The following KIAA1217 variants were observed in gnomAD, a reference collection of about 807,000 sequenced individuals.
KIAA1217 encodes the protein KIAA1217.
In KIAA1217, 88 loss-of-function variants were observed where a neutral mutation model predicts 163.9. That is an observed-to-expected ratio of 0.54 (90% CI 0.45 to 0.64). KIAA1217 has a LOEUF of 0.64. Among genes scored for constraint, KIAA1217 ranks in the 30% least tolerant of loss-of-function variants. KIAA1217 has a pLI of 0.00. For synonymous variants in KIAA1217, 903 were observed against 923.1 expected, an observed-to-expected ratio of 0.98 and a Z score of 0.39; for missense variants, 2,372 against 2,475.0, an observed-to-expected ratio of 0.96 and a Z score of 0.88.
intron 1 of KIAA1217, among the ~76,000 whole-genome samples, chr10:23,986,181 TA>T (rs1167638233): frequency 6.6e-6 from 1 of 152,220 alleles, no homozygotes; most frequent in Non-Finnish European, 1.5e-5. Context: ...CAGGGATTCA[TA>T]AAACTGTGCC....
At chr10:24,357,959 G>T (rs1296884196) in intron 2 of KIAA1217, among the ~76,000 whole-genome samples, 2 of 152,162 alleles carry the variant, frequency 1.3e-5, no homozygotes, top group Non-Finnish European at 2.9e-5. Context: ...AGGCACCACT[G>T]CCTGAGCCAT....
intron 2 of KIAA1217, among the ~76,000 whole-genome samples, chr10:24,327,762 G>C (rs890145901): frequency 3.3e-5 from 5 of 152,170 alleles, no homozygotes; most frequent in Non-Finnish European, 5.9e-5. Context: ...AGAGGTGTGA[G>C]CCACTAGTTT....
chr10:24,516,748 G>A (rs1383916661), intron 10 of KIAA1217, among the ~76,000 whole-genome samples: 2 of 152,208 alleles, frequency 1.3e-5, no homozygotes, highest in South Asian at 4.1e-4. Context: ...TCAGGCAAAA[G>A]GCAGTGAGGC....
chr10:24,420,094 G>A (rs949135871), intron 3 of KIAA1217, among the ~76,000 whole-genome samples: 28 of 152,098 alleles, frequency 1.8e-4, no homozygotes, highest in African/African-American at 6.0e-4. Flanking sequence ...GACGTAGCTA[G>A]GTATGGGAGG....
intron 2 of KIAA1217, among the ~76,000 whole-genome samples, chr10:24,375,941 C>T (rs2052424147): frequency 6.6e-6 from 1 of 152,124 alleles, no homozygotes; most frequent in African/African-American, 2.4e-5. Context: ...GGTCTGAAAA[C>T]GGGAATGAAA....
chr10:23,790,618 T>TAC (rs1299514734), intron 1 of KIAA1217, among the ~76,000 whole-genome samples: 1 of 85,622 alleles, frequency 1.2e-5, no homozygotes, highest in Non-Finnish European at 2.3e-5. Context: ...TACATATGTA[T>TAC]ATATACATAT....
chr10:23,704,172 G>GTGTGTATATATA (rs1229370789), intron 1 of KIAA1217, among the ~76,000 whole-genome samples: 91 of 39,916 alleles, frequency 2.3e-3, no homozygotes, highest in African/African-American at 2.9e-3. Context: ...GTGTGTGTGT[G>GTGTGTATATATA]TATATATATA....
chr10:23,788,667 A>T (rs1318700420), intron 1 of KIAA1217, among the ~76,000 whole-genome samples: 1 of 152,202 alleles, frequency 6.6e-6, no homozygotes, highest in Non-Finnish European at 1.5e-5. Context: ...GAGCAATTAC[A>T]TATGCACATT....
At chr10:23,883,103 T>C (rs1343418087) in intron 1 of KIAA1217, among the ~76,000 whole-genome samples, 3 of 151,936 alleles carry the variant, frequency 2.0e-5, no homozygotes, top group East Asian at 3.9e-4. Flanking sequence ...GGGATAGATA[T>C]ATTCCTTAAG....
At chr10:23,916,774 C>A (rs1309857020) in intron 1 of KIAA1217, among the ~76,000 whole-genome samples, 4 of 151,864 alleles carry the variant, frequency 2.6e-5, no homozygotes, top group Non-Finnish European at 5.9e-5. Context: ...AAGATCAAGA[C>A]CACCCTGGCT....
chr10:24,255,221 G>A (rs758138237), intron 2 of KIAA1217: 6 of 221,256 alleles, frequency 2.7e-5, no homozygotes, highest in Non-Finnish European at 5.5e-5. Flanking sequence ...ACGGAAAAGA[G>A]ACCCATTCTT....
chr10:24,044,283 C>T (rs958777728), intron 2 of KIAA1217, among the ~76,000 whole-genome samples: 1 of 152,088 alleles, frequency 6.6e-6, no homozygotes, highest in East Asian at 1.9e-4. Flanking sequence ...ACGTGGTTGT[C>T]GTAAGATCAA....
chr10:23,875,254 A>G (rs1177070064), intron 1 of KIAA1217, among the ~76,000 whole-genome samples: 8 of 152,032 alleles, frequency 5.3e-5, no homozygotes, highest in Admixed American at 3.9e-4. Context: ...GAAAGAGGAA[A>G]CTGTTCTAAG....
At chr10:23,882,362 C>T (rs1840988623) in intron 1 of KIAA1217, among the ~76,000 whole-genome samples, 1 of 151,838 alleles carries the variant, frequency 6.6e-6, no homozygotes, top group South Asian at 2.1e-4. Context: ...ATATCACTAC[C>T]TAGAAGGGAC....
chr10:23,719,142 G>C (rs567229498), intron 1 of KIAA1217, among the ~76,000 whole-genome samples: 1 of 152,296 alleles, frequency 6.6e-6, no homozygotes, highest in South Asian at 2.1e-4. Context: ...TGACCAAAAA[G>C]TGGAAACAGT....
chr10:24,062,077 C>G (rs759146351), intron 2 of KIAA1217, among the ~76,000 whole-genome samples: 26 of 151,892 alleles, frequency 1.7e-4, no homozygotes, highest in Non-Finnish European at 4.4e-5. Context: ...GATTCTTCTG[C>G]TTGCTCTTAT....
chr10:24,117,361 T>A (rs1211676254), intron 2 of KIAA1217, among the ~76,000 whole-genome samples: 2 of 152,256 alleles, frequency 1.3e-5, no homozygotes, highest in East Asian at 3.9e-4. Context: ...GTTTTGGGGC[T>A]GAGCATGGTG....
At chr10:23,997,075 G>T (rs562768126) in intron 1 of KIAA1217, among the ~76,000 whole-genome samples, 86 of 152,324 alleles carry the variant, frequency 5.6e-4, no homozygotes, top group Non-Finnish European at 1.1e-3. Flanking sequence ...TTTCGAAGGT[G>T]ATTCCCAAGT....
chr10:23,829,862 T>C (rs1460778440), intron 1 of KIAA1217, among the ~76,000 whole-genome samples: 1 of 152,182 alleles, frequency 6.6e-6, no homozygotes, highest in African/African-American at 2.4e-5. Flanking sequence ...GACCTCTTAG[T>C]AAATAGAAAT....
Sources: gnomAD v4.1 joint callset for allele counts (sites outside exome capture counted in the v4.1 genomes callset) on GRCh38, gnomAD v4.1.1 for gene constraint, MANE v1.5 for transcripts, NCBI Gene and HGNC (gene_info 2026-07-23, HGNC 2026-07-21) for gene names.